The following KHDRBS2 variants were observed in gnomAD, a reference collection of about 807,000 sequenced individuals.
KHDRBS2 encodes KH RNA binding domain containing, signal transduction associated 2.
Under a neutral mutation model 44.3 loss-of-function variants are expected in KHDRBS2, and 26 were observed. The ratio of observed to expected loss-of-function variants is 0.59; its 90% confidence interval spans 0.43 to 0.81. The LOEUF (loss-of-function observed/expected upper bound fraction) is 0.81. Among genes scored for constraint, KHDRBS2 ranks in the 40% least tolerant of loss-of-function variants. The pLI is 0.00. For missense variants in KHDRBS2, 476 were observed against 433.1 expected, an observed-to-expected ratio of 1.10 and a Z score of -0.88; for synonymous variants, 194 against 151.1, an observed-to-expected ratio of 1.28 and a Z score of -2.08.
At chr6:61,791,334 C>T (rs1182969193) in intron 6 of KHDRBS2, among the ~76,000 whole-genome samples, 2 of 151,140 alleles carry the variant, frequency 1.3e-5, no homozygotes, top group Non-Finnish European at 3.0e-5. Context: ...TTGCTTGGCT[C>T]CTTAAATTTT....
At chr6:62,025,189 C>A (rs1783065875) in intron 3 of KHDRBS2, among the ~76,000 whole-genome samples, 1 of 151,522 alleles carries the variant, frequency 6.6e-6, no homozygotes, top group African/African-American at 2.4e-5. Context: ...CCTTTTCCAG[C>A]CAAAGAGACA....
At chr6:61,596,712 T>C in the KHDRBS2 span, among the ~76,000 whole-genome samples, 129,520 of 151,862 alleles carry the variant, frequency 0.85, 55,682 homozygotes, top group African/African-American at 0.94. Context: ...AGTACAGTGG[T>C]GCAATTTCGG....
At chr6:61,966,092 C>A (rs1244957953) in intron 4 of KHDRBS2, among the ~76,000 whole-genome samples, 1 of 151,276 alleles carries the variant, frequency 6.6e-6, no homozygotes, top group African/African-American at 2.4e-5. Context: ...TCTCTGGATG[C>A]AATACATTCT....
chr6:61,697,839 G>C (rs1380345547), intron 7 of KHDRBS2, among the ~76,000 whole-genome samples: 1 of 152,030 alleles, frequency 6.6e-6, no homozygotes, highest in Non-Finnish European at 1.5e-5. Context: ...GACTCACTCT[G>C]CTACCCCTTT....
chr6:61,630,714 A>G, the KHDRBS2 span, among the ~76,000 whole-genome samples: 1 of 152,168 alleles, frequency 6.6e-6, no homozygotes, highest in African/African-American at 2.4e-5. Flanking sequence ...AGTGGCCTGG[A>G]AACAGTGGCA....
At chr6:61,998,085 G>C (rs748687442) in intron 3 of KHDRBS2, among the ~76,000 whole-genome samples, 48 of 152,014 alleles carry the variant, frequency 3.2e-4, no homozygotes, top group Non-Finnish European at 5.4e-4. Context: ...TTTACTTATT[G>C]TGCACACAGT....
At chr6:62,163,505 C>T (rs1818059226) in intron 2 of KHDRBS2, among the ~76,000 whole-genome samples, 1 of 151,850 alleles carries the variant, frequency 6.6e-6, no homozygotes, top group South Asian at 2.1e-4. Flanking sequence ...AACATTTAGC[C>T]GTATGACCTA....
At chr6:62,065,938 T>C (rs903904941) in intron 2 of KHDRBS2, among the ~76,000 whole-genome samples, 1 of 151,686 alleles carries the variant, frequency 6.6e-6, no homozygotes, top group African/African-American at 2.4e-5. Flanking sequence ...TGCTTCTGCA[T>C]TGTTTTTTTG....
At chr6:62,283,312 C>A (rs1842050034) in intron 1 of KHDRBS2, among the ~76,000 whole-genome samples, 1 of 152,050 alleles carries the variant, frequency 6.6e-6, no homozygotes, top group African/African-American at 2.4e-5. Context: ...AAATAAACAT[C>A]CAACTAGTAC....
chr6:62,108,523 G>A (rs572941994), intron 2 of KHDRBS2, among the ~76,000 whole-genome samples: 24 of 152,260 alleles, frequency 1.6e-4, no homozygotes, highest in East Asian at 9.7e-4. Flanking sequence ...TTCAACCATC[G>A]TGGAAGTCAG....
chr6:61,575,069 C>A, the KHDRBS2 span, among the ~76,000 whole-genome samples: 2 of 152,090 alleles, frequency 1.3e-5, no homozygotes, highest in African/African-American at 4.8e-5. Flanking sequence ...AGTTCATGAC[C>A]AAGAACCCAA....
At chr6:62,041,530 C>A (rs1375246191) in intron 3 of KHDRBS2, among the ~76,000 whole-genome samples, 1 of 151,946 alleles carries the variant, frequency 6.6e-6, no homozygotes, top group African/African-American at 2.4e-5. Context: ...GTGGGAGAGA[C>A]CCTGATTCTG....
chr6:61,616,396 T>C, the KHDRBS2 span, among the ~76,000 whole-genome samples: 1 of 150,966 alleles, frequency 6.6e-6, no homozygotes, highest in Non-Finnish European at 1.5e-5. Context: ...GCTGGAAAAA[T>C]GAAATGGGAT....
chr6:62,223,772 AAAACCTGAG>A (rs1421317529), intron 1 of KHDRBS2, among the ~76,000 whole-genome samples: 4 of 152,152 alleles, frequency 2.6e-5, no homozygotes, highest in African/African-American at 9.7e-5. Context: ...TCTCTTTGCT[AAAACCTGAG>A]AAGAGTCACC....
At chr6:61,851,283 ATGTG>A (rs943919275) in intron 6 of KHDRBS2, among the ~76,000 whole-genome samples, 1 of 151,380 alleles carries the variant, frequency 6.6e-6, no homozygotes, top group Non-Finnish European at 1.5e-5. Context: ...GTGTGTGTAT[ATGTG>A]TGTGTGTGTA....
At chr6:62,131,227 A>C (rs1035517559) in intron 2 of KHDRBS2, among the ~76,000 whole-genome samples, 2 of 152,150 alleles carry the variant, frequency 1.3e-5, no homozygotes, top group Non-Finnish European at 2.9e-5. Context: ...GAGAATTGAG[A>C]CTGATTTTGA....
chr6:62,262,132 T>G (rs1357431830), intron 1 of KHDRBS2, among the ~76,000 whole-genome samples: 2 of 151,750 alleles, frequency 1.3e-5, no homozygotes, highest in African/African-American at 4.8e-5. Flanking sequence ...CAACAAAATT[T>G]CACATTCTGT....
chr6:61,571,315 A>G, the KHDRBS2 span, among the ~76,000 whole-genome samples: 1 of 152,142 alleles, frequency 6.6e-6, no homozygotes, highest in African/African-American at 2.4e-5. Flanking sequence ...AACTGTAAAA[A>G]AGACAAAAAG....
At chr6:61,900,861 C>A (rs138919807) in intron 5 of KHDRBS2, among the ~76,000 whole-genome samples, 1 of 152,134 alleles carries the variant, frequency 6.6e-6, no homozygotes, top group African/African-American at 2.4e-5. Flanking sequence ...TTGTATCATG[C>A]GTGTGTTCTA....
Sources: gnomAD v4.1 joint callset for allele counts (sites outside exome capture counted in the v4.1 genomes callset) on GRCh38, gnomAD v4.1.1 for gene constraint, MANE v1.5 for transcripts, NCBI Gene and HGNC (gene_info 2026-07-23, HGNC 2026-07-21) for gene names.